Variants in ANO3 observed in about 807,000 individuals in gnomAD.
The protein encoded by ANO3 is anoctamin 3.
In ANO3, 99 loss-of-function variants were observed where a neutral mutation model predicts 144.8. The ratio of observed to expected loss-of-function variants is 0.68; its 90% CI spans 0.58 to 0.81. ANO3 has a LOEUF of 0.81. Ranked by LOEUF, ANO3 falls within the 30% of genes least tolerant of loss-of-function variation. The pLI is 0.00. For synonymous variants in ANO3, 414 were observed against 392.6 expected (o/e 1.05, Z -0.64); for missense variants, 905 against 1,202.2 (o/e 0.75, Z 3.66).
Position 26,338,981 on chromosome 11 carries a change from A to T in ANO3, c.46+6660A>T, listed in dbSNP as rs558681168. Among the ~76,000 whole-genome samples, 3 of 152,346 alleles carry T rather than the reference A, an allele frequency of 2.0e-5. No individual in the cohort carries two copies. In the East Asian group the frequency reaches 5.8e-4, roughly 29 times the overall value. ...ACACCATTGTTCCCAAAGTTCAAAGATGCACTAACTGCATTATTTTATACT... is the reference window on the plus strand; with the variant it reads ...ACACCATTGTTCCCAAAGTTCAAAGTTGCACTAACTGCATTATTTTATACT... On this transcript the variant is annotated intron_variant, in intron 1 of 26. Coordinates refer to ENST00000256737, the MANE Select transcript of ANO3 (RefSeq NM_031418.4).
At chr11:26,272,638 C>A (rs1853467145) in intron 1 of ANO3, among the ~76,000 whole-genome samples, 1 of 152,070 alleles carries the variant, frequency 6.6e-6, no homozygotes, top group Non-Finnish European at 1.5e-5. Context: ...TCAAAAATGT[C>A]AAGATCAGGA....
At chr11:26,375,540 T>C (rs1386618954) in intron 1 of ANO3, among the ~76,000 whole-genome samples, 1 of 152,334 alleles carries the variant, frequency 6.6e-6, no homozygotes, top group South Asian at 2.1e-4. Flanking sequence ...GAGTTATTGT[T>C]GGCTACAACA....
intron 6 of ANO3, among the ~76,000 whole-genome samples, chr11:26,523,757 A>G (rs1295806816): frequency 6.6e-6 from 1 of 152,162 alleles, no homozygotes; most frequent in Non-Finnish European, 1.5e-5. Context: ...ATTTCTCCAA[A>G]AGCATTTTCT....
At position 26,541,921 on chromosome 11, in the gene ANO3, A is replaced by G. The variant is rs1366710307; in HGVS notation, c.1033-26A>G. On this transcript the variant is annotated intron_variant, in intron 10 of 26. Coordinates refer to ENST00000256737, the MANE Select transcript of ANO3 (RefSeq NM_031418.4). ...AAAATTTCACTAAAAAATAGAACCA[A>G]ATGTATCTTACTTTATCTGTTGCAG... is the stretch of plus-strand genomic sequence containing the variant. 3.1e-6 allele frequency: 5 copies of G among 1,592,022 alleles called. No individual in the cohort carries two copies. The African/African-American group carries it at 6.8e-5, about 22-fold the overall frequency.
At chr11:26,653,079 T>C (rs1289304403) in intron 24 of ANO3, among the ~76,000 whole-genome samples, 1 of 152,222 alleles carries the variant, frequency 6.6e-6, no homozygotes, top group Non-Finnish European at 1.5e-5. Flanking sequence ...ACTTATTATC[T>C]TCTGTATTTC....
intron 1 of ANO3, chr11:26,286,288 G>C (rs1853805197): frequency 6.6e-6 from 1 of 152,144 alleles, no homozygotes; most frequent in South Asian, 2.1e-4. Context: ...TTCATTTAGA[G>C]CACATGAAAT....
At chr11:26,272,223 C>T (rs1853454745) in intron 1 of ANO3, among the ~76,000 whole-genome samples, 1 of 151,716 alleles carries the variant, frequency 6.6e-6, no homozygotes, top group Non-Finnish European at 1.5e-5. Flanking sequence ...CACGGCGATG[C>T]TAGAAGAGCA....
At chr11:26,446,486 T>C (rs916659847) in intron 3 of ANO3, among the ~76,000 whole-genome samples, 1 of 152,232 alleles carries the variant, frequency 6.6e-6, no homozygotes, top group Non-Finnish European at 1.5e-5. Flanking sequence ...CATTGAGGAT[T>C]GATATTTCTC....
rs1376570583 is a variant in ANO3, at chr11:26,236,775, G to A, written c.154+47445G>A. On this transcript the variant is annotated intron_variant, in intron 1 of 27. Transcript: ENST00000672621. ...AGAGCTTGCAGTGAGCCCAGATCGC[G>A]CCACTGCACTCCAGCCTGGGCGACA... 5.0e-5 allele frequency among the ~76,000 whole-genome samples: 7 copies of A among 139,402 alleles called. No homozygotes were observed. In the East Asian group the frequency reaches 6.6e-4, roughly 13 times the overall value. The allele number at this position is 139,402 out of a possible 152,430, so 91.5% of individuals were successfully genotyped here. A position where few individuals can be genotyped will look rare whatever the true frequency, so the allele number is the denominator to read the frequency against.
chr11:26,332,518 G>A (rs1217363895), intron 1 of ANO3, among the ~76,000 whole-genome samples, 197 bp downstream of exon 1: 1 of 149,754 alleles, frequency 6.7e-6, no homozygotes, highest in Non-Finnish European at 1.5e-5. Context: ...TCCGCACAGT[G>A]CCTGGGAGTA....
intron 5 of ANO3, among the ~76,000 whole-genome samples, chr11:26,512,327 A>T (rs893316333): frequency 6.6e-6 from 1 of 152,198 alleles, no homozygotes; most frequent in Non-Finnish European, 1.5e-5. Flanking sequence ...TTAAATAATA[A>T]TGTGAAGTGT....
intron 23 of ANO3, among the ~76,000 whole-genome samples, chr11:26,644,333 T>G (rs1327343463): frequency 6.6e-6 from 1 of 152,206 alleles, no homozygotes; most frequent in Non-Finnish European, 1.5e-5. Flanking sequence ...CAAATTTCTA[T>G]GATATGTATA....
intron 3 of ANO3, among the ~76,000 whole-genome samples, chr11:26,454,346 G>A (rs1387409085): frequency 1.3e-5 from 2 of 151,698 alleles, no homozygotes; most frequent in African/African-American, 2.4e-5. Context: ...TAATAAAGAA[G>A]AAAAGAGAGA....
At chr11:26,450,021 G>T (rs138246889) in intron 3 of ANO3, among the ~76,000 whole-genome samples, 3,667 of 152,202 alleles carry the variant, frequency 0.024, 73 homozygotes, top group Middle Eastern at 0.051. Context: ...CTCCCAAAGC[G>T]CTGGGATTTC....
intron 1 of ANO3, among the ~76,000 whole-genome samples, chr11:26,402,793 C>A (rs1857182923): frequency 6.6e-6 from 1 of 151,872 alleles, no homozygotes; most frequent in South Asian, 2.1e-4. Flanking sequence ...ATAAGCTGTG[C>A]AACAAACCCC....
chr11:26,358,519 G>A (rs565176724), intron 1 of ANO3, among the ~76,000 whole-genome samples: 2 of 152,118 alleles, frequency 1.3e-5, no homozygotes, highest in Admixed American at 1.3e-4. Context: ...GGATTGTATT[G>A]CCTATACAGA....
intron 13 of ANO3, among the ~76,000 whole-genome samples, chr11:26,553,939 A>G (rs1850011397): frequency 6.6e-6 from 1 of 152,194 alleles, no homozygotes; most frequent in South Asian, 2.1e-4. Context: ...ACAGTTTTAT[A>G]GAAGTGTAAT....
At chr11:26,407,224 G>A (rs1393721682) in intron 1 of ANO3, among the ~76,000 whole-genome samples, 1 of 151,140 alleles carries the variant, frequency 6.6e-6, no homozygotes, top group Non-Finnish European at 1.5e-5. Context: ...AATATGTAAT[G>A]AACTTGTTTA....
At chr11:26,447,338 T>C (rs1858741115) in intron 3 of ANO3, among the ~76,000 whole-genome samples, 1 of 151,782 alleles carries the variant, frequency 6.6e-6, no homozygotes. Context: ...TTAATTTTCA[T>C]AACAACCCTT....
Sources: allele counts gnomAD v4.1 joint callset (sites outside exome capture counted in the v4.1 genomes callset), GRCh38; gene constraint gnomAD v4.1.1; transcripts MANE v1.5; gene names NCBI Gene and HGNC (gene_info 2026-07-23, HGNC 2026-07-21).